Variants in CA10 observed in about 807,000 individuals in gnomAD.
CA10 encodes carbonic anhydrase 10 (inactive), also known as carbonic anhydrase-related protein 10.
A neutral mutation model predicts 44.2 loss-of-function variants in CA10; 14 were observed. The ratio of observed to expected loss-of-function variants is 0.32; its 90% CI spans 0.21 to 0.50. The LOEUF is 0.50. CA10 is among the 20% of genes least tolerant of loss of function. The probability of loss-of-function intolerance (pLI) is 0.99; values close to 1 mark genes in which losing one functional copy is unlikely to be tolerated. For synonymous variants in CA10, 159 were observed against 141.6 expected (o/e 1.12, Z -0.87); for missense variants, 350 against 409.7 (o/e 0.85, Z 1.26).
At chr17:52,073,526 C>G (rs1987740627) in intron 1 of CA10, among the ~76,000 whole-genome samples, 1 of 152,150 alleles carries the variant, frequency 6.6e-6, no homozygotes, top group Admixed American at 6.5e-5. Flanking sequence ...GAAGCCCACT[C>G]CTTCTGGAAC....
chr17:51,820,404 T>TTC (rs1567850403), intron 3 of CA10, among the ~76,000 whole-genome samples: 1 of 21,608 alleles, frequency 4.6e-5, no homozygotes, highest in Non-Finnish European at 7.8e-5. Context: ...GGGATTCCCC[T>TTC]ACCCCCCCCC....
chr17:51,907,845 T>C (rs920259292), intron 3 of CA10, among the ~76,000 whole-genome samples: 2 of 152,154 alleles, frequency 1.3e-5, no homozygotes. Context: ...CAAGAGCCCT[T>C]TCCAATGAAC....
chr17:52,123,286 T>G (rs1989049588), intron 1 of CA10, among the ~76,000 whole-genome samples: 1 of 151,796 alleles, frequency 6.6e-6, no homozygotes, highest in Non-Finnish European at 1.5e-5. Context: ...AAAACTGTAA[T>G]GTAAAAAAGT....
chr17:51,841,721 A>T (rs953295304), intron 3 of CA10, among the ~76,000 whole-genome samples: 1 of 152,190 alleles, frequency 6.6e-6, no homozygotes, highest in Admixed American at 6.5e-5. Context: ...CCGCTTTGGC[A>T]AAAAGAGCAG....
chr17:51,923,322 ATTTC>A (rs919881623), intron 3 of CA10, among the ~76,000 whole-genome samples: 25 of 152,208 alleles, frequency 1.6e-4, no homozygotes, highest in Admixed American at 8.5e-4. Context: ...TGCAAGTTAC[ATTTC>A]TTTCTATCTC....
chr17:51,706,180 T>C (rs904553680), intron 4 of CA10, among the ~76,000 whole-genome samples: 1 of 152,192 alleles, frequency 6.6e-6, no homozygotes, highest in African/African-American at 2.4e-5. Flanking sequence ...ACGGAGGATG[T>C]AAGCTCATGC....
chr17:51,921,311 T>C (rs203074), intron 3 of CA10, among the ~76,000 whole-genome samples: 103,284 of 152,016 alleles, frequency 0.68, 35,418 homozygotes, highest in Non-Finnish European at 0.71. Flanking sequence ...CGGGTCTCCA[T>C]GAAACAGAAG....
chr17:51,758,588 G>A (rs947210301), intron 3 of CA10, among the ~76,000 whole-genome samples: 1 of 152,196 alleles, frequency 6.6e-6, no homozygotes, highest in African/African-American at 2.4e-5. Context: ...CTCTGACCAG[G>A]AAGGCACACT....
chr17:51,981,716 T>C (rs574392247), intron 2 of CA10, among the ~76,000 whole-genome samples: 1 of 152,224 alleles, frequency 6.6e-6, no homozygotes, highest in East Asian at 1.9e-4. Context: ...TAAAACCTGA[T>C]ACTTGCTTCT....
At chr17:52,001,107 T>C (rs544618168) in intron 2 of CA10, among the ~76,000 whole-genome samples, 24 of 152,106 alleles carry the variant, frequency 1.6e-4, no homozygotes, top group Admixed American at 6.6e-4. Context: ...GGTGCCTTTA[T>C]TGCTTAACCA....
intron 3 of CA10, among the ~76,000 whole-genome samples, chr17:51,798,796 A>G (rs1906814586): frequency 6.6e-6 from 1 of 152,246 alleles, no homozygotes; most frequent in Non-Finnish European, 1.5e-5. Flanking sequence ...GCAGGACTTG[A>G]GAGGAATATA....
chr17:51,989,862 A>G lies in CA10; in HGVS notation c.137-58730T>C, dbSNP rs73360724. ...CTGCTGTAATCCTCTCTTCATGTCCATCATTCCTCCAAAAAGCAATTATTA... is the reference window on the plus strand; with the variant it reads ...CTGCTGTAATCCTCTCTTCATGTCCGTCATTCCTCCAAAAAGCAATTATTA... On this transcript the variant is annotated intron_variant, in intron 2 of 8. Coordinates refer to ENST00000451037, the MANE Select transcript of CA10 (RefSeq NM_020178.5). 5.1e-3 allele frequency among the ~76,000 whole-genome samples: 772 copies of G among 152,230 alleles called. 7 individuals are homozygous for G. Among genetic ancestry groups the G allele is most frequent in the African/African-American group, 0.018 (742 of 41,562 alleles).
intron 3 of CA10, among the ~76,000 whole-genome samples, chr17:51,766,124 G>T (rs1039229082): frequency 1.3e-5 from 2 of 152,150 alleles, no homozygotes; most frequent in African/African-American, 4.8e-5. Flanking sequence ...CAGGCACTTG[G>T]TGGTGGAGCC....
chr17:51,844,665 T>C (rs1034375867), intron 3 of CA10, among the ~76,000 whole-genome samples: 8 of 152,124 alleles, frequency 5.3e-5, no homozygotes, highest in Non-Finnish European at 4.4e-5. Flanking sequence ...GCATAACAGG[T>C]TTCTGGAATG....
chr17:51,660,143 C>T (rs77853147), intron 4 of CA10, among the ~76,000 whole-genome samples: 274 of 152,276 alleles, frequency 1.8e-3, no homozygotes, highest in African/African-American at 6.3e-3. Context: ...AATCATTCAA[C>T]ATGTGTTTAT....
intron 3 of CA10, among the ~76,000 whole-genome samples, chr17:51,822,038 A>T (rs1039820097): frequency 1.3e-5 from 2 of 152,148 alleles, no homozygotes; most frequent in Non-Finnish European, 1.5e-5. Flanking sequence ...AGAGACTTTG[A>T]CACCAATCCT....
intron 3 of CA10, among the ~76,000 whole-genome samples, chr17:51,758,939 C>G (rs933957187): frequency 6.6e-6 from 1 of 152,056 alleles, no homozygotes; most frequent in African/African-American, 2.4e-5. Context: ...CAAGACTGTC[C>G]GATTTCAAAG....
intron 2 of CA10, among the ~76,000 whole-genome samples, chr17:51,961,171 CTCTG>C (rs1260813869): frequency 1.6e-4 from 23 of 141,526 alleles, no homozygotes; most frequent in South Asian, 9.6e-4. Flanking sequence ...CCTACTCTCT[CTCTG>C]TATGTACACA....
rs193116528 is a variant in CA10, at chr17:51,974,466, G to A, written c.137-43334C>T. Reference sequence around the variant, plus strand: ...ATGCCAAAGTAATATTAGTAAACTCGCAGACAAGAATAAAAGGAGTCATAC... The same window carrying A: ...ATGCCAAAGTAATATTAGTAAACTCACAGACAAGAATAAAAGGAGTCATAC... On this transcript the variant is annotated intron_variant, in intron 2 of 8. Coordinates refer to ENST00000451037, the MANE Select transcript of CA10 (RefSeq NM_020178.5). Among the ~76,000 whole-genome samples, 14 of 149,372 alleles carry A rather than the reference G, an allele frequency of 9.4e-5. No individual in the cohort carries two copies. In the East Asian group the frequency reaches 2.0e-3, roughly 21 times the overall value.
Sources: allele counts gnomAD v4.1 joint callset (sites outside exome capture counted in the v4.1 genomes callset), GRCh38; gene constraint gnomAD v4.1.1; transcripts MANE v1.5; gene names NCBI Gene and HGNC (gene_info 2026-07-23, HGNC 2026-07-21).